Variants in SVIL observed in about 807,000 individuals in gnomAD.
SVIL encodes supervillin.
A neutral mutation model predicts 240.4 loss-of-function variants in SVIL; 101 were observed. That is an observed-to-expected ratio of 0.42 (90% CI 0.36 to 0.50). The LOEUF (loss-of-function observed/expected upper bound fraction) is 0.50. Ranked by LOEUF, SVIL falls within the 20% of genes least tolerant of loss-of-function variation. The probability of loss-of-function intolerance (pLI) is 0.01; values close to 1 mark genes in which losing one functional copy is unlikely to be tolerated. For missense variants in SVIL, 2,512 were observed against 2,818.7 expected (o/e 0.89, Z 2.46); for synonymous variants, 999 against 1,100.0 (o/e 0.91, Z 1.82).
intron 7 of SVIL, 51 bp downstream of exon 7, chr10:29,535,938 G>T: frequency 6.3e-7 from 1 of 1,590,354 alleles, no homozygotes; most frequent in Non-Finnish European, 8.6e-7. Flanking sequence ...GGTCAGGCAG[G>T]AGGAAGCAAC....
intron 1 of SVIL, among the ~76,000 whole-genome samples, chr10:29,609,815 C>A (rs1313496515): frequency 2.6e-5 from 4 of 152,244 alleles, no homozygotes; most frequent in Non-Finnish European, 4.4e-5. Flanking sequence ...CACTCACATA[C>A]CCACTTGCTG....
intron 1 of SVIL, among the ~76,000 whole-genome samples, chr10:29,577,382 G>A (rs981101966): frequency 1.2e-4 from 18 of 151,910 alleles, no homozygotes; most frequent in African/African-American, 3.1e-4. Context: ...CAACTCTTAC[G>A]CCTTTGAGTC....
chr10:29,588,033 A>G (rs188468466), intron 1 of SVIL, among the ~76,000 whole-genome samples: 1 of 152,098 alleles, frequency 6.6e-6, no homozygotes, highest in African/African-American at 2.4e-5. Flanking sequence ...CTGGTGATTA[A>G]TTGCAGCACA....
At chr10:29,468,624 G>GTA (rs531013101) in intron 32 of SVIL, among the ~76,000 whole-genome samples, 15 of 150,596 alleles carry the variant, frequency 1.0e-4, no homozygotes, top group African/African-American at 2.9e-4. Context: ...AATAGTAGGT[G>GTA]TATATATATA....
intron 3 of SVIL, among the ~76,000 whole-genome samples, chr10:29,653,364 T>C (rs979233807): frequency 4.6e-5 from 7 of 152,154 alleles, no homozygotes; most frequent in Non-Finnish European, 8.8e-5. Flanking sequence ...CCATTCACCT[T>C]CTGCCATGAT....
In SVIL at chr10:29,532,772, C is replaced by G. The variant is rs1951466907; in HGVS notation, c.1595G>C (p.Gly532Ala). The G allele has an allele frequency of 6.2e-7, 1 of 1,614,102 alleles. No individual in the cohort carries two copies. Among genetic ancestry groups the G allele is most frequent in the Non-Finnish European group, 8.5e-7 (1 of 1,180,024 alleles). Residue 532 changes from glycine (G) to alanine (A), a missense_variant, in exon 8 of 38, where the codon GGT becomes GCT. Physicochemically the swap from Gly to Ala is moderately conservative, Grantham distance 60 (BLOSUM62 0). This residue lies in a region of SVIL where 1,443 missense variants were observed against 1,486.6 expected (regional missense o/e 0.97). Coordinates refer to ENST00000355867, the MANE Select transcript of SVIL (RefSeq NM_021738.3). ...EPVSQDAKPT[G>A]HNREASKKRK... is the part of the protein sequence containing the mutation. Reference sequence around the variant, plus strand: ...CTTTTTCGAGGCTTCCCTGTTGTGACCAGTTGGTTTGGCGTCTTGGGACAC... The same window carrying G: ...CTTTTTCGAGGCTTCCCTGTTGTGAGCAGTTGGTTTGGCGTCTTGGGACAC...
At chr10:29,662,576 C>T (rs1393943256) in intron 2 of SVIL, among the ~76,000 whole-genome samples, 1 of 152,156 alleles carries the variant, frequency 6.6e-6, no homozygotes, top group Non-Finnish European at 1.5e-5. Flanking sequence ...CATCCATCAC[C>T]CCTCAGATAG....
At chr10:29,721,786 C>A (rs992804336) in intron 1 of SVIL, among the ~76,000 whole-genome samples, 5 of 152,174 alleles carry the variant, frequency 3.3e-5, no homozygotes. Flanking sequence ...TGCTGGGGAT[C>A]CCTGCTTTAT....
upstream of SVIL, among the ~76,000 whole-genome samples, chr10:29,637,528 C>T (rs535546918): frequency 2.1e-4 from 32 of 152,266 alleles, no homozygotes; most frequent in African/African-American, 7.5e-4. Context: ...GAATCTATCC[C>T]ATATTAAGGC....
chr10:29,481,492 C>G, intron 28 of SVIL, 92 bp downstream of exon 28: 1 of 1,511,706 alleles, frequency 6.6e-7, no homozygotes, highest in Non-Finnish European at 9.0e-7. Context: ...GACAGCCATA[C>G]GAACTATCCT....
chr10:29,699,771 T>C (rs190247731), intron 1 of SVIL, among the ~76,000 whole-genome samples: 20 of 152,152 alleles, frequency 1.3e-4, no homozygotes, highest in African/African-American at 4.1e-4. Flanking sequence ...CAGCCAAGAG[T>C]GTGGAAGGCC....
intron 1 of SVIL, among the ~76,000 whole-genome samples, chr10:29,697,076 C>T (rs1365599774): frequency 6.1e-5 from 8 of 130,216 alleles, no homozygotes; most frequent in South Asian, 2.6e-4. Context: ...CGCCTCTGCC[C>T]GGCCACCCCT....
chr10:29,683,787 C>G (rs928133369), intron 2 of SVIL, among the ~76,000 whole-genome samples: 15 of 152,146 alleles, frequency 9.9e-5, no homozygotes, highest in African/African-American at 3.6e-4. Context: ...GTGCCAGGCC[C>G]TCACTCTCCA....
intron 6 of SVIL, among the ~76,000 whole-genome samples, chr10:29,549,561 A>T (rs2132639586): frequency 1.4e-5 from 2 of 147,000 alleles, no homozygotes; most frequent in East Asian, 2.0e-4. Context: ...TGCTATAAAG[A>T]CACATGCACA....
intron 17 of SVIL, among the ~76,000 whole-genome samples, chr10:29,506,100 A>G (rs1425142804): frequency 3.3e-5 from 5 of 152,180 alleles, no homozygotes; most frequent in African/African-American, 1.2e-4. Context: ...GTTCTTTTTT[A>G]TTGATTTTAT....
intron 17 of SVIL, among the ~76,000 whole-genome samples, chr10:29,505,144 G>A (rs1159853297): frequency 1.3e-5 from 2 of 152,098 alleles, no homozygotes; most frequent in Non-Finnish European, 2.9e-5. Flanking sequence ...CCAACATGGC[G>A]AAACCCCATC....
intron 27 of SVIL, chr10:29,483,747 A>G (rs1947125488): frequency 6.6e-6 from 1 of 152,244 alleles, no homozygotes; most frequent in Non-Finnish European, 1.5e-5. Context: ...TTTGCTTAAC[A>G]AGGACTTTAA....
At chr10:29,566,369 C>G (rs1954960741) in intron 2 of SVIL, among the ~76,000 whole-genome samples, 1 of 152,192 alleles carries the variant, frequency 6.6e-6, no homozygotes, top group African/African-American at 2.4e-5. Context: ...TCCGCTGCCT[C>G]TCTCCCCTGC....
Position 29,458,357 on chromosome 10 carries a change from C to T in SVIL, c.6559-24G>A, listed in dbSNP as rs565554382. 46 of 1,613,300 alleles carry T rather than the reference C, an allele frequency of 2.9e-5. No individual in the cohort carries two copies. The South Asian group carries it at 4.5e-4, about 16-fold the overall frequency. On this transcript the variant is annotated intron_variant, in intron 37 of 37. Transcript: ENST00000355867. ...AACTGGAAACATTGGGAGAAGCGCC[C>T]CGCGGCTCAGTGAAAGGAGCCGGGC...
Sources: allele counts gnomAD v4.1 joint callset (sites outside exome capture counted in the v4.1 genomes callset), GRCh38; gene constraint gnomAD v4.1.1; regional missense constraint gnomAD v4.1.1; transcripts MANE v1.5; gene names NCBI Gene and HGNC (gene_info 2026-07-23, HGNC 2026-07-21).